Variants in SH2D4A observed in about 807,000 individuals in gnomAD.
The protein encoded by SH2D4A is SH2 domain-containing protein 4A.
Under a neutral mutation model 64.7 loss-of-function variants are expected in SH2D4A, and 70 were observed. The observed-to-expected ratio is 1.08, with a 90% CI of 0.89 to 1.32. SH2D4A has a LOEUF of 1.32. SH2D4A is among the 40% of genes most tolerant of loss of function. SH2D4A has a pLI of 0.00. For synonymous variants in SH2D4A, 268 were observed against 200.7 expected, an observed-to-expected ratio of 1.34 and a Z score of -2.83; for missense variants, 706 against 540.1, an observed-to-expected ratio of 1.31 and a Z score of -3.04.
intron 8 of SH2D4A, among the ~76,000 whole-genome samples, chr8:19,386,904 T>C (rs1471105912): frequency 6.6e-6 from 1 of 152,220 alleles, no homozygotes. Context: ...TTCAGGCTCC[T>C]GAACAGCTGG....
intron 4 of SH2D4A, among the ~76,000 whole-genome samples, chr8:19,356,932 TA>T (rs1179621025): frequency 6.6e-6 from 1 of 152,226 alleles, no homozygotes; most frequent in Non-Finnish European, 1.5e-5. Context: ...CAGGGCCAAC[TA>T]AATGGGAGCA....
intron 8 of SH2D4A, among the ~76,000 whole-genome samples, chr8:19,383,828 T>C (rs1044468536): frequency 3.3e-5 from 5 of 152,024 alleles, no homozygotes; most frequent in African/African-American, 1.2e-4. Context: ...GGGGAAAAAA[T>C]TAAGGAGGAG....
At chr8:19,321,644 T>C (rs1219237260) in intron 2 of SH2D4A, among the ~76,000 whole-genome samples, 1 of 152,244 alleles carries the variant, frequency 6.6e-6, no homozygotes, top group Non-Finnish European at 1.5e-5. Flanking sequence ...ATGGCCAAAC[T>C]GAAACATAAC....
At chr8:19,325,637 A>G (rs1585146777) in intron 2 of SH2D4A, among the ~76,000 whole-genome samples, 1 of 152,108 alleles carries the variant, frequency 6.6e-6, no homozygotes, top group South Asian at 2.1e-4. Context: ...TAGTTCTTCC[A>G]TCTGCTTTTC....
intron 4 of SH2D4A, among the ~76,000 whole-genome samples, chr8:19,345,287 CTGTT>C (rs2117241028): frequency 1.3e-5 from 2 of 152,316 alleles, no homozygotes; most frequent in South Asian, 4.1e-4. Flanking sequence ...CAGATGGACT[CTGTT>C]TGCTGAGGTG....
At chr8:19,374,676 T>C (rs1318799563) in intron 8 of SH2D4A, among the ~76,000 whole-genome samples, 6 of 152,284 alleles carry the variant, frequency 3.9e-5, no homozygotes, top group Non-Finnish European at 2.9e-5. Flanking sequence ...CTCTTGGAAG[T>C]ATGTGTTCTT....
intron 3 of SH2D4A, among the ~76,000 whole-genome samples, chr8:19,333,724 A>T (rs970517723): frequency 1.3e-5 from 2 of 152,170 alleles, no homozygotes; most frequent in African/African-American, 4.8e-5. Context: ...GCTATAATTA[A>T]GGTACAAACA....
intron 1 of SH2D4A, among the ~76,000 whole-genome samples, chr8:19,317,792 G>A (rs1400368408): frequency 6.6e-6 from 1 of 152,204 alleles, no homozygotes; most frequent in Non-Finnish European, 1.5e-5. Context: ...TGAAGTTTAA[G>A]ACTGTTTGAA....
intron 5 of SH2D4A, among the ~76,000 whole-genome samples, chr8:19,357,741 G>T (rs901460146): frequency 1.3e-5 from 2 of 152,214 alleles, no homozygotes; most frequent in Non-Finnish European, 2.9e-5. Flanking sequence ...CCTCTCTCAC[G>T]TCCATCTAGA....
intron 4 of SH2D4A, among the ~76,000 whole-genome samples, chr8:19,348,498 C>T (rs1051909665): frequency 2.0e-5 from 3 of 152,032 alleles, no homozygotes; most frequent in African/African-American, 7.3e-5. Flanking sequence ...TTAAATTTTC[C>T]GTCTTCTATA....
intron 4 of SH2D4A, among the ~76,000 whole-genome samples, chr8:19,348,450 C>T (rs546011137): frequency 6.6e-6 from 1 of 152,116 alleles, no homozygotes; most frequent in Non-Finnish European, 1.5e-5. Flanking sequence ...AAGTAGCAAC[C>T]TGTAAAATGA....
chr8:19,317,894 T>C (rs1230645651), intron 1 of SH2D4A, among the ~76,000 whole-genome samples: 1 of 151,938 alleles, frequency 6.6e-6, no homozygotes, highest in Non-Finnish European at 1.5e-5. Context: ...TTGGTCAATT[T>C]CTTTTTTTTT....
chr8:19,344,463 TCTTA>T (rs1320993676), intron 4 of SH2D4A, among the ~76,000 whole-genome samples: 2 of 152,180 alleles, frequency 1.3e-5, no homozygotes, highest in Non-Finnish European at 2.9e-5. Flanking sequence ...AGAAGTTCTC[TCTTA>T]CTTCTTCTTC....
Position 19,361,241 on chromosome 8 carries a change from A to C in SH2D4A, c.633A>C (p.Ile211=). ...ESMKKKQDEE[I]NQIEEERTKQ... is the part of the protein sequence containing the mutation. ...TGAAGAAAAAACAAGATGAAGAAAT[A>C]AATCAAATAGAAGAAGAGAGAACGA... Residue 211 remains isoleucine (I), a synonymous_variant, in exon 6 of 10, where the codon ATA becomes ATC. Coordinates refer to ENST00000265807, the MANE Select transcript of SH2D4A (RefSeq NM_022071.4). 6.3e-7 allele frequency: 1 copy of C among 1,594,648 alleles called. No individual in the cohort carries two copies. Among genetic ancestry groups the C allele is most frequent in the Non-Finnish European group, 8.6e-7 (1 of 1,166,164 alleles).
intron 2 of SH2D4A, among the ~76,000 whole-genome samples, chr8:19,326,412 G>T (rs2052280774): frequency 6.6e-6 from 1 of 152,194 alleles, no homozygotes. Flanking sequence ...TGGTTTCTGG[G>T]AGTCTGCCAG....
intron 7 of SH2D4A, among the ~76,000 whole-genome samples, chr8:19,369,600 A>G (rs2053060018): frequency 6.6e-6 from 1 of 151,956 alleles, no homozygotes; most frequent in Non-Finnish European, 1.5e-5. Context: ...TTTACTTCCA[A>G]GTTTTCCATT....
At chr8:19,338,656 C>T (rs1198213849) in intron 4 of SH2D4A, among the ~76,000 whole-genome samples, 1 of 152,156 alleles carries the variant, frequency 6.6e-6, no homozygotes, top group Non-Finnish European at 1.5e-5. Flanking sequence ...TTGGAAGAGG[C>T]AAGGAATCGG....
At position 19,319,367 on chromosome 8, in the gene SH2D4A, A is replaced by G; in HGVS notation, c.-181A>G. On this transcript the variant is annotated 5_prime_UTR_variant, in exon 2 of 10. Coordinates refer to ENST00000265807, the MANE Select transcript of SH2D4A (RefSeq NM_022071.4). The stretch of plus-strand genomic sequence containing the variant: ...AGGTTCAGTGAACAGCATTTTGGAC[A>G]GGACATTTGGTGCCAGGTCTGAGTA... The G allele has an allele frequency of 2.4e-6, 3 of 1,254,148 alleles. No homozygotes were observed. Among genetic ancestry groups the G allele is most frequent in the Non-Finnish European group, 2.0e-6 (2 of 998,376 alleles). 77.7% of individuals were successfully genotyped at this position (1,254,148 alleles called of 1,614,324 possible).
intron 4 of SH2D4A, among the ~76,000 whole-genome samples, chr8:19,354,293 G>A (rs1325802060): frequency 1.3e-5 from 2 of 152,100 alleles, no homozygotes; most frequent in African/African-American, 2.4e-5. Flanking sequence ...GAGCCACCAC[G>A]CATGGGCCTA....
Sources: gnomAD v4.1 joint callset for allele counts (sites outside exome capture counted in the v4.1 genomes callset) on GRCh38, gnomAD v4.1.1 for gene constraint, MANE v1.5 for transcripts, NCBI Gene and HGNC (gene_info 2026-07-23, HGNC 2026-07-21) for gene names.